The following ERC2 variants were observed in gnomAD, a reference collection of about 807,000 sequenced individuals.
ERC2 encodes the protein ERC protein 2.
ERC2 carries 42 observed loss-of-function variants against 114.8 expected under a neutral mutation model. The ratio of observed to expected loss-of-function variants is 0.37; its 90% CI spans 0.29 to 0.47. The LOEUF is 0.47. Among genes scored for constraint, ERC2 ranks in the 20% least tolerant of loss-of-function variants. The pLI is 0.99. For missense variants in ERC2, 939 were observed against 1,150.7 expected (o/e 0.82, Z 2.66); for synonymous variants, 454 against 425.5 (o/e 1.07, Z -0.82).
chr3:55,980,698 C>A (rs1230509882), intron 12 of ERC2, among the ~76,000 whole-genome samples: 2 of 150,854 alleles, frequency 1.3e-5, no homozygotes, highest in South Asian at 2.1e-4. Context: ...ATGGTAGTAC[C>A]AACCAAAAGC....
chr3:55,529,568 T>C (rs980048825), intron 17 of ERC2, among the ~76,000 whole-genome samples: 2 of 152,194 alleles, frequency 1.3e-5, no homozygotes, highest in African/African-American at 4.8e-5. Context: ...TAAGCCTACA[T>C]TTATATTTAA....
chr3:56,422,858 C>T (rs754472041), intron 2 of ERC2, among the ~76,000 whole-genome samples: 3 of 152,150 alleles, frequency 2.0e-5, no homozygotes, highest in Non-Finnish European at 4.4e-5. Context: ...CTGTTGAGCT[C>T]ACACATGGAA....
At chr3:56,310,130 C>T (rs2056455754) in intron 2 of ERC2, among the ~76,000 whole-genome samples, 1 of 152,128 alleles carries the variant, frequency 6.6e-6, no homozygotes, top group South Asian at 2.1e-4. Context: ...TGTTGTTAGC[C>T]AGTAATCCAC....
chr3:56,454,744 G>C (rs1393438732), intron 1 of ERC2, among the ~76,000 whole-genome samples: 1 of 151,510 alleles, frequency 6.6e-6, no homozygotes, highest in Non-Finnish European at 1.5e-5. Flanking sequence ...CTAGCTACTT[G>C]GGAGGCTGAG....
intron 2 of ERC2, among the ~76,000 whole-genome samples, chr3:56,406,887 G>C (rs2060749712): frequency 6.6e-6 from 1 of 152,180 alleles, no homozygotes; most frequent in South Asian, 2.1e-4. Context: ...ACTAAAAAAA[G>C]TTTTAAAAAT....
At chr3:55,797,991 G>C (rs2149092226) in intron 14 of ERC2, among the ~76,000 whole-genome samples, 1 of 152,248 alleles carries the variant, frequency 6.6e-6, no homozygotes, top group South Asian at 2.1e-4. Context: ...GAGTGAACTA[G>C]AAGATAAAAC....
intron 3 of ERC2, among the ~76,000 whole-genome samples, chr3:56,272,963 G>A (rs1397050444): frequency 2.0e-5 from 3 of 152,242 alleles, no homozygotes; most frequent in South Asian, 2.1e-4. Context: ...GGGGTAACTC[G>A]TCCTCATCTC....
At chr3:55,958,723 C>T (rs192746343) in intron 12 of ERC2, among the ~76,000 whole-genome samples, 41 of 152,362 alleles carry the variant, frequency 2.7e-4, no homozygotes, top group Admixed American at 1.7e-3. Context: ...AGCATGCGCG[C>T]ACCTGGCCAG....
intron 15 of ERC2, among the ~76,000 whole-genome samples, chr3:55,723,754 A>G (rs1345244124): frequency 2.6e-5 from 4 of 152,220 alleles, no homozygotes; most frequent in African/African-American, 9.6e-5. Context: ...TGAAGCCAGG[A>G]AAGGACAGAC....
At chr3:55,902,220 A>T (rs2064174533) in intron 13 of ERC2, among the ~76,000 whole-genome samples, 1 of 152,176 alleles carries the variant, frequency 6.6e-6, no homozygotes, top group South Asian at 2.1e-4. Flanking sequence ...AGCAAAAACC[A>T]GACATAACGT....
At chr3:56,019,112 A>G (rs2073528239) in intron 7 of ERC2, 81 bp from the exon 8 acceptor site, 2 of 1,003,652 alleles carry the variant, frequency 2.0e-6, no homozygotes, top group Non-Finnish European at 1.4e-6. Flanking sequence ...CTATTAATAA[A>G]AAAAGAAAGA....
At chr3:56,312,233 C>G (rs2056624513) in intron 2 of ERC2, among the ~76,000 whole-genome samples, 1 of 152,090 alleles carries the variant, frequency 6.6e-6, no homozygotes, top group Non-Finnish European at 1.5e-5. Context: ...AATTTTAATT[C>G]TGTCCTGCTA....
At chr3:56,195,520 T>TGTGTGTGTGTGTG (rs60103581) in intron 3 of ERC2, among the ~76,000 whole-genome samples, 1 of 151,522 alleles carries the variant, frequency 6.6e-6, no homozygotes, top group East Asian at 1.9e-4. Context: ...TGTGTGTGTG[T>TGTGTGTGTGTGTG]TCTCTCCAAT....
chr3:55,589,749 G>A (rs1411826136), intron 17 of ERC2, among the ~76,000 whole-genome samples: 1 of 152,056 alleles, frequency 6.6e-6, no homozygotes, highest in African/African-American at 2.4e-5. Context: ...CAGGGCTCAT[G>A]ATTCTCAGGT....
intron 3 of ERC2, among the ~76,000 whole-genome samples, chr3:56,179,501 C>G (rs150879840): frequency 7.6e-4 from 116 of 152,184 alleles, no homozygotes; most frequent in African/African-American, 2.7e-3. Context: ...ACAGACCCAT[C>G]AGAGCTAGTT....
At chr3:55,934,069 T>C (rs1162261066) in intron 13 of ERC2, among the ~76,000 whole-genome samples, 2 of 152,204 alleles carry the variant, frequency 1.3e-5, no homozygotes, top group African/African-American at 4.8e-5. Flanking sequence ...TGAAAATGGA[T>C]ATGCATATGT....
At chr3:55,648,122 G>A (rs992660031) in intron 17 of ERC2, among the ~76,000 whole-genome samples, 5 of 152,184 alleles carry the variant, frequency 3.3e-5, no homozygotes, top group East Asian at 1.9e-4. Context: ...CTTCCCTTTC[G>A]TTCATTCCCT....
chr3:55,767,836 G>T (rs1299962585), intron 14 of ERC2, among the ~76,000 whole-genome samples: 1 of 152,142 alleles, frequency 6.6e-6, no homozygotes, highest in Non-Finnish European at 1.5e-5. Context: ...CAAACATTTG[G>T]GGGTCTACTG....
chr3:56,254,041 G>A (rs897254844), intron 3 of ERC2, among the ~76,000 whole-genome samples: 8 of 152,250 alleles, frequency 5.3e-5, no homozygotes, highest in Non-Finnish European at 1.2e-4. Flanking sequence ...AAAATGCAAA[G>A]TGGAAACCAG....
Sources: allele counts gnomAD v4.1 joint callset (sites outside exome capture counted in the v4.1 genomes callset), GRCh38; gene constraint gnomAD v4.1.1; transcripts MANE v1.5; gene names NCBI Gene and HGNC (gene_info 2026-07-23, HGNC 2026-07-21).